NPIPB15: variants seen among roughly 807,000 people sequenced by gnomAD.
The protein encoded by NPIPB15 is nuclear pore complex interacting protein family member B15.
Under a neutral mutation model 35.9 loss-of-function variants are expected in NPIPB15, and 5 were observed. The ratio of observed to expected loss-of-function variants is 0.14; its 90% CI spans 0.07 to 0.29. The LOEUF (loss-of-function observed/expected upper bound fraction) is 0.29, where lower values mean the gene tolerates loss of function less well. NPIPB15 is among the 10% of genes least tolerant of loss of function. The pLI is 1.00. For missense variants in NPIPB15, 100 were observed against 506.1 expected (o/e 0.20, Z 7.70); for synonymous variants, 43 against 182.0 (o/e 0.24, Z 6.15).
chr16:74,379,098 C>T (rs1222769986), intron 2 of NPIPB15, among the ~76,000 whole-genome samples: 10 of 136,110 alleles, frequency 7.3e-5, no homozygotes, highest in African/African-American at 1.9e-4. Context: ...CCGTGCCCAG[C>T]CAAGATCTAC....
At chr16:74,381,182 T>G (rs953909052) in intron 2 of NPIPB15, 1 of 375,350 alleles carries the variant, frequency 2.7e-6, no homozygotes, top group African/African-American at 2.2e-5. Flanking sequence ...TTTTAGATCA[T>G]CAGCTATTGT....
Position 74,381,516 on chromosome 16 carries a change from G to A in NPIPB15, c.67G>A (p.Val23Ile). ...ATTCTTTCAACTATTATTATTCCAG[G>A]TCATCAATAGTCTGGCTGTCTATCG... ...LGFISHQPTPVINSLAVYRHR... is the reference protein window; with the variant it reads ...LGFISHQPTPIINSLAVYRHR... Residue 23 changes from valine (V) to isoleucine (I), a missense_variant and splice_region_variant, in exon 3 of 8, where the codon GTC (valine) becomes ATC (isoleucine). Coordinates refer to ENST00000692376, the MANE Select transcript of NPIPB15 (RefSeq NM_001306094.2). 2 of 1,592,192 alleles carry A rather than the reference G, an allele frequency of 1.3e-6. No individual in the cohort carries two copies. The highest frequency in any genetic ancestry group is 1.1e-5 in the South Asian group (1 of 90,464).
chr16:74,384,925 C>T (rs2012184454), intron 3 of NPIPB15, among the ~76,000 whole-genome samples: 1 of 151,212 alleles, frequency 6.6e-6, no homozygotes. Context: ...AGGTGATCCA[C>T]CTGCCTCGGC....
At chr16:74,385,527 CCTT>C (rs1189501668) in intron 4 of NPIPB15, 24 bp from the exon 5 acceptor site, 10 of 750,228 alleles carry the variant, frequency 1.3e-5, no homozygotes, top group African/African-American at 1.3e-4. Flanking sequence ...AGGTTTCTCA[CCTT>C]CTCCTCTCCT....
chr16:74,383,543 G>A (rs192078715), intron 3 of NPIPB15, among the ~76,000 whole-genome samples: 8,920 of 95,884 alleles, frequency 0.093, 14 homozygotes, highest in Non-Finnish European at 0.13. Context: ...TGCTTCTCTC[G>A]AAATCCTAGT....
chr16:74,387,802 C>T (rs1243742838), intron 5 of NPIPB15, among the ~76,000 whole-genome samples: 59 of 151,054 alleles, frequency 3.9e-4, no homozygotes, highest in Non-Finnish European at 6.0e-4. Context: ...GAAGTGTTTT[C>T]GCCCCTGTTT....
intron 2 of NPIPB15, among the ~76,000 whole-genome samples, chr16:74,378,937 A>C (rs1446392826): frequency 1.6e-4 from 24 of 152,044 alleles, no homozygotes; most frequent in African/African-American, 5.5e-4. Flanking sequence ...AGTGGCTGGG[A>C]TTACAGACAT....
At chr16:74,384,650 A>C (rs1217970234) in intron 3 of NPIPB15, among the ~76,000 whole-genome samples, 2 of 140,992 alleles carry the variant, frequency 1.4e-5, no homozygotes, top group South Asian at 2.5e-4. Flanking sequence ...TACAGGCGTG[A>C]GCTACCGCAC....
chr16:74,381,017 C>T (rs2011960406), intron 2 of NPIPB15, among the ~76,000 whole-genome samples: 1 of 149,668 alleles, frequency 6.7e-6, no homozygotes, highest in South Asian at 2.1e-4. Flanking sequence ...GTGGCAGAGA[C>T]CTGTAATCTC....
chr16:74,384,392 C>T (rs1219532444), intron 3 of NPIPB15, among the ~76,000 whole-genome samples: 19 of 94,778 alleles, frequency 2.0e-4, no homozygotes, highest in South Asian at 8.9e-4. Context: ...TTTTTTGAGA[C>T]GGAGTCTCAC....
chr16:74,384,668 ATTTTTT>A (rs1186582416), intron 3 of NPIPB15, among the ~76,000 whole-genome samples: 8,562 of 61,132 alleles, frequency 0.14, 38 homozygotes, highest in Non-Finnish European at 0.17. Flanking sequence ...CACCTGGCCT[ATTTTTT>A]TTTTTTTTTT....
chr16:74,382,531 T>A (rs972039008), intron 3 of NPIPB15, among the ~76,000 whole-genome samples: 2 of 152,262 alleles, frequency 1.3e-5, no homozygotes, highest in Non-Finnish European at 2.9e-5. Flanking sequence ...ATGTCAAAAG[T>A]CTGTACTTGG....
chr16:74,381,732 G>C, intron 3 of NPIPB15, 34 bp downstream of exon 3: 1 of 1,561,302 alleles, frequency 6.4e-7, no homozygotes, highest in East Asian at 2.3e-5. Flanking sequence ...AGGTATACTT[G>C]TAATCACAAA....
chr16:74,381,434 C>T (rs200404667), intron 2 of NPIPB15, 82 bp from the exon 3 acceptor site: 45,546 of 1,438,392 alleles, frequency 0.032, 26 homozygotes, highest in Non-Finnish European at 0.037. Flanking sequence ...AGGAGGTTGA[C>T]GGTTTCTAAG....
intron 5 of NPIPB15, among the ~76,000 whole-genome samples, chr16:74,386,282 GC>G (rs2012274595): frequency 9.2e-6 from 1 of 108,204 alleles, no homozygotes; most frequent in Admixed American, 1.1e-4. Flanking sequence ...ACCACACCCA[GC>G]CTTTTTTTTT....
rs866638330 is a variant in NPIPB15 at position 74,381,163 on chromosome 16, A to G, written c.67-353A>G. On this transcript the variant is annotated intron_variant, in intron 2 of 7. Transcript: ENST00000692376. ...ACTCTGTCTCCAAAAAAAAAAAAAA[A>G]GAGTTTTTTTTTAGATCATCAGCTA... The G allele has an allele frequency of 7.7e-5, 25 of 326,378 alleles. 2 individuals are homozygous for G. Among genetic ancestry groups the G allele is most frequent in the Middle Eastern group, 1.8e-3 (2 of 1,084 alleles). 20.2% of individuals were successfully genotyped at this position (326,378 alleles called of 1,614,324 possible).
At chr16:74,378,936 G>C (rs1220913090) in intron 2 of NPIPB15, among the ~76,000 whole-genome samples, 1 of 152,014 alleles carries the variant, frequency 6.6e-6, no homozygotes, top group Non-Finnish European at 1.5e-5. Flanking sequence ...GAGTGGCTGG[G>C]ATTACAGACA....
intron 5 of NPIPB15, among the ~76,000 whole-genome samples, chr16:74,387,479 G>C (rs1009607628): frequency 6.7e-6 from 1 of 148,834 alleles, no homozygotes; most frequent in Admixed American, 6.8e-5. Flanking sequence ...ATTCTGTTTG[G>C]TGTCCCCCAT....
At chr16:74,380,447 C>G (rs1332846822) in intron 2 of NPIPB15, among the ~76,000 whole-genome samples, 22 of 148,522 alleles carry the variant, frequency 1.5e-4, no homozygotes, top group African/African-American at 5.3e-4. Context: ...CTTAGCTTGT[C>G]TTAGCCATGA....
Sources: allele counts gnomAD v4.1 joint callset (sites outside exome capture counted in the v4.1 genomes callset), GRCh38; gene constraint gnomAD v4.1.1; transcripts MANE v1.5; gene names NCBI Gene and HGNC (gene_info 2026-07-23, HGNC 2026-07-21).